LRRC37A2: variants seen among roughly 807,000 people sequenced by gnomAD.
The protein encoded by LRRC37A2 is leucine-rich repeat-containing protein 37A2.
LRRC37A2 carries 9 observed loss-of-function variants against 68.8 expected under a neutral mutation model. The ratio of observed to expected loss-of-function variants is 0.13; its 90% confidence interval spans 0.08 to 0.23. The LOEUF (loss-of-function observed/expected upper bound fraction) is 0.23, where lower values mean the gene tolerates loss of function less well. Among genes scored for constraint, LRRC37A2 ranks in the 10% least tolerant of loss-of-function variants. The probability of loss-of-function intolerance (pLI) is 1.00; values close to 1 mark genes in which losing one functional copy is unlikely to be tolerated. For missense variants in LRRC37A2, 168 were observed against 950.4 expected (o/e 0.18, Z 10.82); for synonymous variants, 63 against 367.6 (o/e 0.17, Z 9.48).
chr17:46,779,229 T>A, the LRRC37A2 span, among the ~76,000 whole-genome samples: 1 of 152,152 alleles, frequency 6.6e-6, no homozygotes, highest in Non-Finnish European at 1.5e-5. Flanking sequence ...CCTCCCGGCA[T>A]CCGGAGCTTC....
At chr17:46,988,085 T>C in the LRRC37A2 span, among the ~76,000 whole-genome samples, 85 of 152,290 alleles carry the variant, frequency 5.6e-4, 1 homozygote, top group East Asian at 0.014. Flanking sequence ...GGTAGGACAA[T>C]CGCTTGAACT....
chr17:46,726,501 G>A, the LRRC37A2 span: 47 of 1,551,590 alleles, frequency 3.0e-5, no homozygotes, highest in Non-Finnish European at 3.7e-5. Context: ...GGAAATTGTC[G>A]TAACTGTGGA....
At chr17:46,679,699 A>T in the LRRC37A2 span, among the ~76,000 whole-genome samples, 2 of 151,654 alleles carry the variant, frequency 1.3e-5, no homozygotes, top group Admixed American at 6.6e-5. Flanking sequence ...TGTCAAAAAA[A>T]AAAAAAAGAA....
At chr17:46,881,741 A>G in the LRRC37A2 span, among the ~76,000 whole-genome samples, 1 of 152,238 alleles carries the variant, frequency 6.6e-6, no homozygotes, top group African/African-American at 2.4e-5. Flanking sequence ...TACCCGCAAT[A>G]TCCCTCCTCC....
the LRRC37A2 span, among the ~76,000 whole-genome samples, chr17:47,002,620 C>A: frequency 1.3e-5 from 2 of 152,112 alleles, no homozygotes; most frequent in Non-Finnish European, 2.9e-5. Context: ...AAACTCCTGA[C>A]CTCAGGTGAT....
the LRRC37A2 span, among the ~76,000 whole-genome samples, chr17:46,569,090 G>A: frequency 6.8e-6 from 1 of 147,734 alleles, no homozygotes; most frequent in East Asian, 2.0e-4. Context: ...TTACAGGCAT[G>A]CACCACCAAG....
chr17:46,923,257 G>A, the LRRC37A2 span: 1 of 1,550,574 alleles, frequency 6.4e-7, no homozygotes, highest in Non-Finnish European at 8.7e-7. Flanking sequence ...GGGGCTAGAC[G>A]AGGCGAGGCC....
chr17:46,541,443 G>A (rs2055301488), intron 8 of LRRC37A2, among the ~76,000 whole-genome samples: 1 of 148,914 alleles, frequency 6.7e-6, no homozygotes, highest in Non-Finnish European at 1.5e-5. Context: ...GTAGAGACAA[G>A]GTTTCGCCAT....
At chr17:46,699,402 GACAC>G in the LRRC37A2 span, among the ~76,000 whole-genome samples, 58 of 148,196 alleles carry the variant, frequency 3.9e-4, no homozygotes, top group Admixed American at 1.3e-3. Context: ...ATAAACTGAG[GACAC>G]ACACACACAC....
At chr17:46,865,818 C>A in the LRRC37A2 span, among the ~76,000 whole-genome samples, 1 of 152,138 alleles carries the variant, frequency 6.6e-6, no homozygotes, top group Non-Finnish European at 1.5e-5. Context: ...ACTTACGTTG[C>A]CCAGGCTGGT....
chr17:46,940,890 C>T, the LRRC37A2 span: 21 of 1,392,468 alleles, frequency 1.5e-5, no homozygotes, highest in South Asian at 1.1e-4. Flanking sequence ...ATGACCACTT[C>T]TCTTCACACA....
the LRRC37A2 span, among the ~76,000 whole-genome samples, chr17:46,970,535 C>CAAAAAAAA: frequency 2.0e-5 from 1 of 51,204 alleles, no homozygotes; most frequent in South Asian, 1.1e-3. Context: ...GACTCCATCT[C>CAAAAAAAA]AAAAAAAAAA....
chr17:46,494,887 C>T, the LRRC37A2 span, among the ~76,000 whole-genome samples: 8 of 151,104 alleles, frequency 5.3e-5, no homozygotes, highest in Non-Finnish European at 1.0e-4. Context: ...TGACTCTAGT[C>T]ACCCTACTGT....
At chr17:46,872,524 G>T in the LRRC37A2 span, 2 of 1,538,606 alleles carry the variant, frequency 1.3e-6, no homozygotes, top group Non-Finnish European at 1.8e-6. Flanking sequence ...TAGCCTGACC[G>T]GGCGGGAAGT....
chr17:46,883,727 G>A, the LRRC37A2 span, among the ~76,000 whole-genome samples: 4,416 of 152,280 alleles, frequency 0.029, 89 homozygotes, highest in Middle Eastern at 0.061. Flanking sequence ...ACAGAGAGAC[G>A]GGGTATGAGG....
At chr17:46,737,438 C>T in the LRRC37A2 span, among the ~76,000 whole-genome samples, 11 of 152,286 alleles carry the variant, frequency 7.2e-5, no homozygotes, top group East Asian at 2.1e-3. Flanking sequence ...TCTCTAGCAA[C>T]CCTAACGCTG....
At chr17:46,557,518 G>GA, downstream of LRRC37A2, 1 of 433,772 alleles carries the variant, frequency 2.3e-6, no homozygotes, top group African/African-American at 6.1e-5. Flanking sequence ...TATGGGGGAG[G>GA]AAAGGATGAC....
At chr17:46,804,056 C>A in the LRRC37A2 span, among the ~76,000 whole-genome samples, 1 of 151,834 alleles carries the variant, frequency 6.6e-6, no homozygotes, top group African/African-American at 2.4e-5. Context: ...TTTGTCTTCT[C>A]CTTGACCTTG....
At chr17:46,933,856 C>T in the LRRC37A2 span, among the ~76,000 whole-genome samples, 37 of 151,632 alleles carry the variant, frequency 2.4e-4, no homozygotes, top group African/African-American at 8.2e-4. Context: ...CCCAACTACT[C>T]TCTGGAGCCT....
Sources: gnomAD v4.1 joint callset for allele counts (sites outside exome capture counted in the v4.1 genomes callset) on GRCh38, gnomAD v4.1.1 for gene constraint, MANE v1.5 for transcripts, NCBI Gene and HGNC (gene_info 2026-07-23, HGNC 2026-07-21) for gene names.